The following UBE3C variants were observed in gnomAD, a reference collection of about 807,000 sequenced individuals.
UBE3C encodes ubiquitin protein ligase E3C.
In UBE3C, 42 loss-of-function variants were observed where a neutral mutation model predicts 129.4. That is an observed-to-expected ratio of 0.32 (90% CI 0.25 to 0.42). The LOEUF (loss-of-function observed/expected upper bound fraction) is 0.42, where lower values mean the gene tolerates loss of function less well. Ranked by LOEUF, UBE3C falls within the 10% of genes least tolerant of loss-of-function variation. UBE3C has a pLI of 1.00. For synonymous variants in UBE3C, 510 were observed against 492.4 expected (o/e 1.04, Z -0.47); for missense variants, 1,049 against 1,319.1 (o/e 0.80, Z 3.17).
chr7:157,142,130 T>C (rs1586637640), intron 1 of UBE3C, among the ~76,000 whole-genome samples: 1 of 152,226 alleles, frequency 6.6e-6, no homozygotes, highest in African/African-American at 2.4e-5. Flanking sequence ...GACAACTAAT[T>C]ATGTTGAGCA....
intron 13 of UBE3C, among the ~76,000 whole-genome samples, chr7:157,209,815 A>G (rs1809539170): frequency 6.6e-6 from 1 of 152,264 alleles, no homozygotes; most frequent in African/African-American, 2.4e-5. Context: ...GCGTTAAATG[A>G]AAAGTTTGTA....
intron 22 of UBE3C, among the ~76,000 whole-genome samples, chr7:157,266,169 C>T (rs892762545): frequency 1.8e-4 from 27 of 152,164 alleles, no homozygotes; most frequent in African/African-American, 5.8e-4. Flanking sequence ...AAAAAATTAG[C>T]CGGGCGTGGT....
chr7:157,173,903 A>T (rs1056048141), intron 4 of UBE3C, among the ~76,000 whole-genome samples: 4 of 152,234 alleles, frequency 2.6e-5, no homozygotes, highest in African/African-American at 7.2e-5. Context: ...GAATTATTTC[A>T]TCCCAGTTTA....
At chr7:157,261,437 C>T (rs1242593078) in intron 22 of UBE3C, among the ~76,000 whole-genome samples, 4 of 101,706 alleles carry the variant, frequency 3.9e-5, no homozygotes, top group Non-Finnish European at 6.6e-5. Context: ...ATCCATGAGA[C>T]GGTCTTACTG....
chr7:157,267,653 C>G lies in UBE3C; in HGVS notation c.3150C>G (p.Thr1050=). 6.2e-7 allele frequency: 1 copy of G among 1,613,818 alleles called. No individual in the cohort carries two copies. Among genetic ancestry groups the G allele is most frequent in the East Asian group, 2.2e-5 (1 of 44,874 alleles). ...TTGAGCGGCTCCCCACAGCCAGCAC[C>G]TGCATGAACCTGCTGAAGCTCCCCG... ...SDLERLPTAS[T]CMNLLKLPEF... The change falls in exon 23 of 23, where the codon ACC becomes ACG. Residue 1050 remains threonine (T), a synonymous_variant. Coordinates refer to ENST00000348165, the MANE Select transcript of UBE3C (RefSeq NM_014671.3).
At chr7:157,168,325 ACT>A (rs1210329027) in intron 2 of UBE3C, among the ~76,000 whole-genome samples, 5 of 127,254 alleles carry the variant, frequency 3.9e-5, no homozygotes, top group African/African-American at 1.1e-4. Context: ...ACAGAGCAAG[ACT>A]CTGTCTCAAA....
chr7:157,227,119 T>C (rs1223929138), intron 17 of UBE3C, among the ~76,000 whole-genome samples: 2 of 152,234 alleles, frequency 1.3e-5, no homozygotes, highest in East Asian at 1.9e-4. Context: ...AGATGCTTAT[T>C]CAATTTGTGA....
At chr7:157,198,240 C>T (rs1809178828) in intron 10 of UBE3C, 2 of 1,318,432 alleles carry the variant, frequency 1.5e-6, no homozygotes, top group Non-Finnish European at 2.2e-6. Context: ...CAATCTGTAT[C>T]CTCCACCTGT....
At chr7:157,238,597 G>T (rs1214586217) in intron 18 of UBE3C, among the ~76,000 whole-genome samples, 4 of 152,174 alleles carry the variant, frequency 2.6e-5, no homozygotes, top group Non-Finnish European at 5.9e-5. Context: ...AGGAGCAGGT[G>T]TGGAGAGGGA....
At chr7:157,184,120 C>T (rs1808745838) in intron 9 of UBE3C, 91 bp downstream of exon 9, 2 of 1,506,616 alleles carry the variant, frequency 1.3e-6, no homozygotes, top group South Asian at 1.3e-5. Flanking sequence ...TTCAGTTACA[C>T]AAGTCAGACC....
intron 13 of UBE3C, among the ~76,000 whole-genome samples, chr7:157,213,409 G>A (rs1586693288): frequency 6.6e-6 from 1 of 152,224 alleles, no homozygotes; most frequent in Non-Finnish European, 1.5e-5. Flanking sequence ...GCACGCCTGT[G>A]GTGGGCTTGT....
chr7:157,263,990 A>G (rs964497366), intron 22 of UBE3C, among the ~76,000 whole-genome samples: 1 of 151,976 alleles, frequency 6.6e-6, no homozygotes, highest in Non-Finnish European at 1.5e-5. Flanking sequence ...CCAGGCTGTC[A>G]GAAACTCCTG....
At chr7:157,256,307 G>A (rs1213230215) in intron 21 of UBE3C, among the ~76,000 whole-genome samples, 3 of 151,974 alleles carry the variant, frequency 2.0e-5, no homozygotes, top group East Asian at 1.9e-4. Context: ...AACATCCAGC[G>A]AATTTTTGTA....
chr7:157,176,622 C>G (rs2116905844), intron 5 of UBE3C, among the ~76,000 whole-genome samples: 1 of 152,318 alleles, frequency 6.6e-6, no homozygotes, highest in Admixed American at 6.5e-5. Flanking sequence ...CTCATCTTTC[C>G]TCTTTAATCT....
At chr7:157,146,469 C>T (rs569655826) in intron 1 of UBE3C, among the ~76,000 whole-genome samples, 1 of 152,040 alleles carries the variant, frequency 6.6e-6, no homozygotes, top group South Asian at 2.1e-4. Context: ...GATCTGCCCG[C>T]CTGGGCGTCC....
intron 18 of UBE3C, among the ~76,000 whole-genome samples, chr7:157,237,099 A>G (rs894764437): frequency 1.3e-5 from 2 of 152,198 alleles, no homozygotes; most frequent in African/African-American, 4.8e-5. Flanking sequence ...TAGATTCTAC[A>G]GTTAAAATGG....
chr7:157,164,537 GA>G (rs1349347274), intron 2 of UBE3C: 1 of 439,044 alleles, frequency 2.3e-6, no homozygotes, highest in Non-Finnish European at 4.6e-6. Context: ...GAAGGTAAAA[GA>G]AAGACACTAA....
At chr7:157,165,881 T>C (rs953295394) in intron 2 of UBE3C, among the ~76,000 whole-genome samples, 1 of 152,238 alleles carries the variant, frequency 6.6e-6, no homozygotes, top group African/African-American at 2.4e-5. Context: ...TTCTATTGTT[T>C]GTCTTCTTGA....
At chr7:157,189,024 G>A (rs988755396) in intron 10 of UBE3C, 9 of 535,382 alleles carry the variant, frequency 1.7e-5, no homozygotes, top group African/African-American at 1.3e-4. Context: ...CATGAAAACC[G>A]GGAAGACACA....
Sources: gnomAD v4.1 joint callset for allele counts (sites outside exome capture counted in the v4.1 genomes callset) on GRCh38, gnomAD v4.1.1 for gene constraint, MANE v1.5 for transcripts, NCBI Gene and HGNC (gene_info 2026-07-23, HGNC 2026-07-21) for gene names.